Variants in UBL3 observed in about 807,000 individuals in gnomAD.
UBL3 encodes ubiquitin-like protein 3.
In UBL3, 6 loss-of-function variants were observed where a neutral mutation model predicts 18.4. The observed-to-expected ratio is 0.33, with a 90% CI of 0.18 to 0.64. The LOEUF (loss-of-function observed/expected upper bound fraction) is 0.64. Ranked by LOEUF, UBL3 falls within the 30% of genes least tolerant of loss-of-function variation. The probability of loss-of-function intolerance (pLI) is 0.76; values close to 1 mark genes in which losing one functional copy is unlikely to be tolerated. For synonymous variants in UBL3, 49 were observed against 46.6 expected (o/e 1.05, Z -0.21); for missense variants, 109 against 142.9 (o/e 0.76, Z 1.21).
chr13:29,807,599 A>G (rs1877928226), intron 1 of UBL3, among the ~76,000 whole-genome samples: 3 of 152,206 alleles, frequency 2.0e-5, no homozygotes, highest in African/African-American at 7.2e-5. Flanking sequence ...GTAACTGTTT[A>G]CATTGCTGTT....
At chr13:29,780,367 A>AAAAAAAATATATAT (rs1359464345) in intron 1 of UBL3, among the ~76,000 whole-genome samples, 4 of 103,310 alleles carry the variant, frequency 3.9e-5, no homozygotes, top group African/African-American at 1.6e-4. Context: ...AAAAAAAAAA[A>AAAAAAAATATATAT]ATATATATAT....
At chr13:29,813,264 C>A (rs951772173) in intron 1 of UBL3, among the ~76,000 whole-genome samples, 1 of 152,020 alleles carries the variant, frequency 6.6e-6, no homozygotes, top group Non-Finnish European at 1.5e-5. Context: ...TCAGTAATTG[C>A]ATAGAACGTC....
At position 29,765,530 on chromosome 13, in the gene UBL3, G is replaced by C. The variant is rs1483650413; in HGVS notation, c.*1725C>G. ...AATTAAATGAATTTTAAAAGCTTAA[G>C]AAATGAAAGTAGAAAACATGAATGA... On this transcript the variant is annotated 3_prime_UTR_variant, in exon 5 of 5. Coordinates refer to ENST00000380680, the MANE Select transcript of UBL3 (RefSeq NM_007106.4). The C allele has an allele frequency of 6.6e-6, 1 of 152,204 alleles. No individual in the cohort carries two copies. The highest frequency in any genetic ancestry group is 1.9e-4 in the East Asian group (1 of 5,198). 9.4% of individuals were successfully genotyped at this position (152,204 alleles called of 1,614,324 possible). A position where few individuals can be genotyped will look rare whatever the true frequency, so the allele number is the denominator to read the frequency against.
intron 2 of UBL3, among the ~76,000 whole-genome samples, chr13:29,774,017 T>G (rs573075876): frequency 6.6e-6 from 1 of 152,288 alleles, no homozygotes; most frequent in East Asian, 1.9e-4. Context: ...GATTTTTAAT[T>G]TAAGTATTTT....
At position 29,772,308 on chromosome 13, in the gene UBL3, T is replaced by C. The variant is rs1876863483; in HGVS notation, c.137-110A>G. ...ATCAGTTAGAGTACAAAGAAGGCCC[T>C]TGGAGCTTCCTACTACTATTAGAAA... On this transcript the variant is annotated intron_variant, in intron 2 of 4. Transcript: ENST00000380680. The C allele has an allele frequency of 1.1e-5, 8 of 733,742 alleles. No homozygotes were observed. In the South Asian group the frequency reaches 1.6e-4, roughly 15 times the overall value. The allele number at this position is 733,742 out of a possible 1,614,324, so 45.5% of individuals were successfully genotyped here. A position where few individuals can be genotyped will look rare whatever the true frequency, so the allele number is the denominator to read the frequency against.
intron 1 of UBL3, among the ~76,000 whole-genome samples, chr13:29,791,947 C>G (rs754296828): frequency 1.3e-5 from 2 of 152,178 alleles, no homozygotes; most frequent in Non-Finnish European, 2.9e-5. Context: ...GGTCTTATTT[C>G]TCTTACACCA....
chr13:29,816,450 C>T (rs1403381889), intron 1 of UBL3, among the ~76,000 whole-genome samples: 4 of 151,988 alleles, frequency 2.6e-5, no homozygotes, highest in Non-Finnish European at 5.9e-5. Context: ...AAAATAATAG[C>T]AAATGTGTCT....
intron 1 of UBL3, among the ~76,000 whole-genome samples, chr13:29,826,306 G>A (rs1490345778): frequency 2.0e-5 from 3 of 152,138 alleles, no homozygotes; most frequent in Non-Finnish European, 2.9e-5. Context: ...GCTAGAATTC[G>A]GCTGCGAATT....
Position 29,767,270 on chromosome 13 carries a change from A to G in UBL3, c.339T>C (p.Cys113=). The G allele has an allele frequency of 6.2e-7, 1 of 1,613,276 alleles. No homozygotes were observed. Among genetic ancestry groups the G allele is most frequent in the South Asian group, 1.1e-5 (1 of 91,052 alleles). Residue 113 remains cysteine (C), a synonymous_variant, in exon 5 of 5, where the codon TGT becomes TGC. Transcript: ENST00000380680. ...CAGACAGTGTTTACAGGATTACACA[A>G]CAATTACTCTCTCCAGTCTTCTCAC... ...RNREKTGESN[C]CVIL
intron 1 of UBL3, among the ~76,000 whole-genome samples, chr13:29,804,868 T>C (rs1291924119): frequency 6.6e-6 from 1 of 152,208 alleles, no homozygotes; most frequent in Non-Finnish European, 1.5e-5. Flanking sequence ...GATTTATAGC[T>C]ATAAACAACA....
intron 1 of UBL3, among the ~76,000 whole-genome samples, chr13:29,831,945 A>C (rs574634623): frequency 3.9e-5 from 6 of 152,334 alleles, no homozygotes; most frequent in Admixed American, 1.3e-4. Context: ...AAAATTAAAC[A>C]TAAGTAAAAA....
chr13:29,824,764 G>T (rs1350057385), intron 1 of UBL3, among the ~76,000 whole-genome samples: 1 of 152,174 alleles, frequency 6.6e-6, no homozygotes, highest in African/African-American at 2.4e-5. Context: ...TGGTGTTTTA[G>T]ACATGAAGTC....
chr13:29,808,275 G>C (rs916931290), intron 1 of UBL3, among the ~76,000 whole-genome samples: 2 of 152,090 alleles, frequency 1.3e-5, no homozygotes, highest in African/African-American at 4.8e-5. Flanking sequence ...TATTTGCTCA[G>C]TGTATACTCA....
intron 1 of UBL3, among the ~76,000 whole-genome samples, chr13:29,779,589 C>T (rs1877090467): frequency 6.6e-6 from 1 of 152,080 alleles, no homozygotes; most frequent in Non-Finnish European, 1.5e-5. Context: ...TTTTGATTTT[C>T]CCTGATGTCT....
chr13:29,835,118 ATAT>A (rs1878902924), intron 1 of UBL3, among the ~76,000 whole-genome samples: 1 of 26,278 alleles, frequency 3.8e-5, no homozygotes, highest in Non-Finnish European at 5.7e-5. Context: ...ATATATATAT[ATAT>A]ATAAATATAT....
Position 29,835,113 on chromosome 13 carries a change from TATATATATATAA to T in UBL3, c.27+14387_27+14398del, listed in dbSNP as rs1878900709. The stretch of plus-strand genomic sequence containing the variant: ...AAATATATATATATATATAAATATA[TATATATATATAA>T]ATATATATATATATATATATATATA... On this transcript the variant is annotated intron_variant, in intron 1 of 4. Coordinates refer to ENST00000380680, the MANE Select transcript of UBL3 (RefSeq NM_007106.4). Among the ~76,000 whole-genome samples the T allele has an allele frequency of 5.6e-4, 8 of 14,330 alleles. 1 individual carries two copies. The highest frequency in any genetic ancestry group is 2.9e-3 in the African/African-American group (6 of 2,058). 9.4% of individuals were successfully genotyped at this position (14,330 alleles called of 152,430 possible).
At chr13:29,795,605 T>C (rs1325435094) in intron 1 of UBL3, among the ~76,000 whole-genome samples, 2 of 151,868 alleles carry the variant, frequency 1.3e-5, no homozygotes, top group African/African-American at 4.8e-5. Context: ...TAGGTGTTTA[T>C]ATATTGACTT....
rs1433666360 is a variant in UBL3 at position 29,835,180 on chromosome 13, A to C, written c.27+14332T>G. ...TATATATATATATATATATATATAT[A>C]TATATCTCCACCCTCCTGGAATCTA... is the stretch of plus-strand genomic sequence containing the variant. On this transcript the variant is annotated intron_variant, in intron 1 of 4. Coordinates refer to ENST00000380680, the MANE Select transcript of UBL3 (RefSeq NM_007106.4). Among the ~76,000 whole-genome samples the C allele has an allele frequency of 7.2e-3, 590 of 81,762 alleles. 24 individuals carry two copies. The highest frequency in any genetic ancestry group is 0.025 in the African/African-American group (517 of 20,702). The allele number at this position is 81,762 out of a possible 152,430, so 53.6% of individuals were successfully genotyped here.
intron 1 of UBL3, among the ~76,000 whole-genome samples, chr13:29,847,952 G>A (rs1339441646): frequency 1.3e-5 from 2 of 152,164 alleles, no homozygotes; most frequent in Admixed American, 6.5e-5. Context: ...TTAGGACTCA[G>A]GAAGGAGACT....
Sources: allele counts gnomAD v4.1 joint callset (sites outside exome capture counted in the v4.1 genomes callset), GRCh38; gene constraint gnomAD v4.1.1; transcripts MANE v1.5; gene names NCBI Gene and HGNC (gene_info 2026-07-23, HGNC 2026-07-21).